The following TANC2 variants were observed in gnomAD, a reference collection of about 807,000 sequenced individuals.
TANC2 encodes the protein protein TANC2.
TANC2 carries 26 observed loss-of-function variants against 210.5 expected under a neutral mutation model. That is an observed-to-expected ratio of 0.12 (90% CI 0.09 to 0.17). TANC2 has a LOEUF of 0.17. Ranked by LOEUF, TANC2 falls within the 10% of genes least tolerant of loss-of-function variation. The pLI is 1.00. For missense variants in TANC2, 2,129 were observed against 2,608.9 expected (o/e 0.82, Z 4.01); for synonymous variants, 931 against 967.1 (o/e 0.96, Z 0.69).
chr17:63,072,605 ATCTT>A (rs2036436130), intron 2 of TANC2, among the ~76,000 whole-genome samples: 1 of 152,094 alleles, frequency 6.6e-6, no homozygotes, highest in Non-Finnish European at 1.5e-5. Flanking sequence ...CACTTTGAGT[ATCTT>A]TCTATGTGAT....
At chr17:63,308,824 TAAC>T (rs1485099676) in intron 9 of TANC2, among the ~76,000 whole-genome samples, 2 of 152,114 alleles carry the variant, frequency 1.3e-5, no homozygotes, top group African/African-American at 2.4e-5. Context: ...TTGGGTAAAA[TAAC>T]AACCAATTCA....
chr17:63,186,160 T>C (rs2040975895), intron 5 of TANC2, among the ~76,000 whole-genome samples: 1 of 152,194 alleles, frequency 6.6e-6, no homozygotes. Context: ...AACACTCTCA[T>C]GTTACTGAAA....
chr17:63,069,597 T>G (rs138716250), intron 2 of TANC2, among the ~76,000 whole-genome samples: 19 of 152,364 alleles, frequency 1.2e-4, no homozygotes, highest in African/African-American at 3.8e-4. Flanking sequence ...GGTCTTATTA[T>G]GCCCACATAC....
At chr17:63,271,140 G>A (rs1030424292) in intron 9 of TANC2, among the ~76,000 whole-genome samples, 1 of 152,120 alleles carries the variant, frequency 6.6e-6, no homozygotes, top group African/African-American at 2.4e-5. Context: ...GTGTGCATGT[G>A]TCTTTATGAT....
chr17:63,151,776 T>G (rs1350716851), intron 5 of TANC2: 1 of 152,200 alleles, frequency 6.6e-6, no homozygotes, highest in Non-Finnish European at 1.5e-5. Context: ...TGCAACACTT[T>G]TGCATACAAC....
At chr17:63,401,625 T>C (rs1196846596) in intron 19 of TANC2, among the ~76,000 whole-genome samples, 1 of 152,242 alleles carries the variant, frequency 6.6e-6, no homozygotes, top group Non-Finnish European at 1.5e-5. Context: ...TCTTTCCAGA[T>C]GTCATCATCT....
rs183644042 is a variant in TANC2 at position 63,291,786 on chromosome 17, A to G, written c.1160-22602A>G. On this transcript the variant is annotated intron_variant, in intron 9 of 27. Transcript: ENST00000689528. ...TATTATCCTCATTTTACAGATGACA[A>G]AACAGGCTTAGAGTGAACCAGCAAC... Among the ~76,000 whole-genome samples the G allele has an allele frequency of 8.3e-4, 127 of 152,304 alleles. 6 individuals carry two copies. In the East Asian group the frequency reaches 0.011, roughly 13 times the overall value.
exon 28 of TANC2, chr17:63,422,805 A>C (rs538479812): frequency 6.6e-6 from 1 of 152,294 alleles, no homozygotes; most frequent in South Asian, 2.1e-4. Context: ...GAAAAACAAA[A>C]AAGATTGTTC....
chr17:63,174,027 C>G (rs1214436064), intron 5 of TANC2, among the ~76,000 whole-genome samples: 2 of 152,214 alleles, frequency 1.3e-5, no homozygotes, highest in Non-Finnish European at 2.9e-5. Context: ...TCCTCCCCTA[C>G]AGCCACTTGT....
chr17:63,352,726 AT>A (rs2046652363), intron 13 of TANC2, among the ~76,000 whole-genome samples: 1 of 152,170 alleles, frequency 6.6e-6, no homozygotes, highest in African/African-American at 2.4e-5. Context: ...TTTAAAAATT[AT>A]TTCATTTCCG....
chr17:63,092,416 G>C (rs76091101), intron 3 of TANC2, among the ~76,000 whole-genome samples: 2,569 of 151,948 alleles, frequency 0.017, 36 homozygotes, highest in Non-Finnish European at 0.027. Context: ...TACTAGGTGT[G>C]TAGTAGTAAC....
intron 5 of TANC2, among the ~76,000 whole-genome samples, chr17:63,169,439 C>G (rs1402654359): frequency 2.0e-5 from 3 of 152,172 alleles, no homozygotes; most frequent in Non-Finnish European, 4.4e-5. Flanking sequence ...TGAAGTGGCT[C>G]TCTCTAGGCA....
At chr17:63,361,559 C>A (rs951492264) in intron 14 of TANC2, among the ~76,000 whole-genome samples, 2 of 152,220 alleles carry the variant, frequency 1.3e-5, no homozygotes, top group Non-Finnish European at 2.9e-5. Flanking sequence ...AAGGGGAATG[C>A]GGTGGCACCT....
chr17:63,315,248 A>G (rs900704111), intron 10 of TANC2, among the ~76,000 whole-genome samples: 2 of 152,226 alleles, frequency 1.3e-5, no homozygotes, highest in Non-Finnish European at 2.9e-5. Context: ...TAAAACACTC[A>G]TATGGTACTT....
At chr17:63,302,433 G>C (rs1022093549) in intron 9 of TANC2, among the ~76,000 whole-genome samples, 1 of 151,992 alleles carries the variant, frequency 6.6e-6, no homozygotes. Flanking sequence ...AGGCCTCTAA[G>C]AATTTGTTTT....
chr17:63,395,649 T>C, intron 17 of TANC2, 94 bp from the exon 18 acceptor site: 1 of 1,160,878 alleles, frequency 8.6e-7, no homozygotes, highest in Non-Finnish European at 1.2e-6. Context: ...GGATGATTCT[T>C]AGTAGCCTAG....
intron 4 of TANC2, among the ~76,000 whole-genome samples, chr17:63,140,208 A>G (rs73341776): frequency 0.076 from 11,628 of 152,268 alleles, 1,399 homozygotes; most frequent in African/African-American, 0.26. Context: ...ATTAGCTGAT[A>G]CTAGCCGCAC....
intron 15 of TANC2, among the ~76,000 whole-genome samples, chr17:63,387,213 A>G (rs554361116): frequency 6.6e-6 from 1 of 152,094 alleles, no homozygotes; most frequent in South Asian, 2.1e-4. Context: ...GAATATCCCC[A>G]CAGGGAGAAA....
At chr17:63,341,040 A>G (rs1394616936) in intron 12 of TANC2, among the ~76,000 whole-genome samples, 2 of 152,152 alleles carry the variant, frequency 1.3e-5, no homozygotes, top group Non-Finnish European at 2.9e-5. Flanking sequence ...ACTCTTAACA[A>G]TGTTTTGTTA....
Sources: gnomAD v4.1 joint callset for allele counts (sites outside exome capture counted in the v4.1 genomes callset) on GRCh38, gnomAD v4.1.1 for gene constraint, MANE v1.5 for transcripts, NCBI Gene and HGNC (gene_info 2026-07-23, HGNC 2026-07-21) for gene names.